The following PLPPR5 variants were observed in gnomAD, a reference collection of about 807,000 sequenced individuals.
The protein encoded by PLPPR5 is phospholipid phosphatase related 5.
PLPPR5 carries 16 observed loss-of-function variants against 33.9 expected under a neutral mutation model. That is an observed-to-expected ratio of 0.47 (90% CI 0.32 to 0.72). The LOEUF (loss-of-function observed/expected upper bound fraction) is 0.72, where lower values mean the gene tolerates loss of function less well. Ranked by LOEUF, PLPPR5 falls within the 30% of genes least tolerant of loss-of-function variation. The probability of loss-of-function intolerance (pLI) is 0.03; values close to 1 mark genes in which losing one functional copy is unlikely to be tolerated. For synonymous variants in PLPPR5, 163 were observed against 150.3 expected, an observed-to-expected ratio of 1.08 and a Z score of -0.62; for missense variants, 301 against 406.7, an observed-to-expected ratio of 0.74 and a Z score of 2.23.
chr1:98,948,400 G>C (rs1650640174), intron 3 of PLPPR5, among the ~76,000 whole-genome samples: 1 of 152,132 alleles, frequency 6.6e-6, no homozygotes, highest in Non-Finnish European at 1.5e-5. Flanking sequence ...TGATATTTTA[G>C]AGTTTCCACC....
chr1:99,001,817 C>A (rs1236186820), intron 1 of PLPPR5, among the ~76,000 whole-genome samples: 1 of 151,100 alleles, frequency 6.6e-6, no homozygotes, highest in Non-Finnish European at 1.5e-5. Context: ...AAAAACCACA[C>A]TTGAGAGTAT....
At chr1:98,934,728 T>C (rs1650113860) in intron 3 of PLPPR5, among the ~76,000 whole-genome samples, 1 of 152,034 alleles carries the variant, frequency 6.6e-6, no homozygotes, top group Non-Finnish European at 1.5e-5. Context: ...CTTCTAAGTC[T>C]CAAGTATAAA....
intron 4 of PLPPR5, among the ~76,000 whole-genome samples, chr1:98,919,161 C>T (rs545114328): frequency 1.3e-5 from 2 of 152,278 alleles, no homozygotes; most frequent in African/African-American, 4.8e-5. Context: ...CAGAGAAGGC[C>T]TCACTATTTT....
At chr1:98,898,389 G>A (rs1265663181) in intron 5 of PLPPR5, among the ~76,000 whole-genome samples, 13 of 152,076 alleles carry the variant, frequency 8.5e-5, no homozygotes, top group South Asian at 2.1e-4. Flanking sequence ...TCATAATCTC[G>A]AATATTGTCC....
chr1:98,893,562 T>C (rs1255360962), intron 5 of PLPPR5, among the ~76,000 whole-genome samples: 1 of 150,428 alleles, frequency 6.6e-6, no homozygotes, highest in Non-Finnish European at 1.5e-5. Context: ...GCATGAATCC[T>C]GACTCCAGAC....
chr1:98,962,239 T>C (rs1252153429), intron 1 of PLPPR5, among the ~76,000 whole-genome samples: 1 of 152,036 alleles, frequency 6.6e-6, no homozygotes, highest in African/African-American at 2.4e-5. Context: ...TGCAACATAA[T>C]GTTGTGAAAT....
At chr1:98,964,855 G>C (rs1212264635) in intron 1 of PLPPR5, among the ~76,000 whole-genome samples, 1 of 152,138 alleles carries the variant, frequency 6.6e-6, no homozygotes, top group East Asian at 1.9e-4. Context: ...CCAGGGTGGA[G>C]TGCCATGGTG....
At chr1:98,925,746 C>T (rs1649733125) in intron 3 of PLPPR5, among the ~76,000 whole-genome samples, 1 of 152,104 alleles carries the variant, frequency 6.6e-6, no homozygotes, top group Non-Finnish European at 1.5e-5. Context: ...AGAGGCTGTG[C>T]TAGGTTTCTT....
chr1:98,953,097 G>T lies in PLPPR5; in HGVS notation c.594C>A (p.Leu198=), dbSNP rs1319210096. Reference sequence around the variant, plus strand: ...TCAGATACATAGCTGCATAGACACTGAGAGCTGCTTCTTTGGATGGAAAGG... The same window carrying T: ...TCAGATACATAGCTGCATAGACACTTAGAGCTGCTTCTTTGGATGGAAAGG... The part of the protein sequence containing the change: ...RKTFPSKEAA[L]SVYAAMYLTM... Residue 198 remains leucine (L), a synonymous_variant, in exon 3 of 6, where the codon CTC becomes CTA. Transcript: ENST00000263177. 6.2e-7 allele frequency: 1 copy of T among 1,614,076 alleles called. No homozygotes were observed. Among genetic ancestry groups the T allele is most frequent in the East Asian group, 2.2e-5 (1 of 44,858 alleles).
chr1:98,920,734 T>C (rs940070315), intron 4 of PLPPR5, among the ~76,000 whole-genome samples: 1 of 152,090 alleles, frequency 6.6e-6, no homozygotes, highest in African/African-American at 2.4e-5. Flanking sequence ...TTCACTGAAG[T>C]GTTTGCTTAC....
intron 5 of PLPPR5, among the ~76,000 whole-genome samples, chr1:98,903,186 CT>C (rs1338528416): frequency 6.6e-6 from 1 of 151,946 alleles, no homozygotes; most frequent in African/African-American, 2.4e-5. Context: ...TATTGACTTA[CT>C]TCAAATATTT....
At chr1:98,996,240 A>C (rs1173700435) in intron 1 of PLPPR5, among the ~76,000 whole-genome samples, 1 of 151,970 alleles carries the variant, frequency 6.6e-6, no homozygotes, top group Non-Finnish European at 1.5e-5. Context: ...GAATTCATAC[A>C]AGAAACTACA....
intron 3 of PLPPR5, among the ~76,000 whole-genome samples, chr1:98,934,326 G>A (rs1293514482): frequency 6.6e-6 from 1 of 152,096 alleles, no homozygotes; most frequent in African/African-American, 2.4e-5. Context: ...AAGGAAGAGT[G>A]GATGCAGACT....
chr1:98,965,148 A>G (rs575312162), intron 1 of PLPPR5, among the ~76,000 whole-genome samples: 24 of 152,034 alleles, frequency 1.6e-4, no homozygotes, highest in African/African-American at 5.8e-4. Context: ...GCTGGGTCTG[A>G]GCAATTGTGG....
At chr1:98,998,198 A>G (rs1652696083) in intron 1 of PLPPR5, among the ~76,000 whole-genome samples, 1 of 152,178 alleles carries the variant, frequency 6.6e-6, no homozygotes, top group Non-Finnish European at 1.5e-5. Flanking sequence ...CAAAATCCTA[A>G]GAGGCACAAG....
intron 5 of PLPPR5, among the ~76,000 whole-genome samples, chr1:98,911,002 GAGAA>G (rs1018136040): frequency 6.6e-6 from 1 of 150,884 alleles, no homozygotes; most frequent in African/African-American, 2.4e-5. Context: ...CACACACAAA[GAGAA>G]AGCTATTGTA....
At chr1:98,913,491 G>C (rs929588343) in intron 5 of PLPPR5, among the ~76,000 whole-genome samples, 37 of 152,180 alleles carry the variant, frequency 2.4e-4, no homozygotes, top group African/African-American at 8.4e-4. Flanking sequence ...TGTTGACTTG[G>C]TGCCTATTAC....
At chr1:98,936,681 C>T (rs1650178807) in intron 3 of PLPPR5, among the ~76,000 whole-genome samples, 1 of 152,158 alleles carries the variant, frequency 6.6e-6, no homozygotes, top group African/African-American at 2.4e-5. Flanking sequence ...TTGGTTTTAA[C>T]AGAATTGCCA....
At chr1:98,992,961 C>T (rs1652501167) in intron 1 of PLPPR5, among the ~76,000 whole-genome samples, 1 of 152,052 alleles carries the variant, frequency 6.6e-6, no homozygotes, top group Non-Finnish European at 1.5e-5. Context: ...TATGTGGGGT[C>T]ATAGGTTAGC....
Sources: gnomAD v4.1 joint callset for allele counts (sites outside exome capture counted in the v4.1 genomes callset) on GRCh38, gnomAD v4.1.1 for gene constraint, MANE v1.5 for transcripts, NCBI Gene and HGNC (gene_info 2026-07-23, HGNC 2026-07-21) for gene names.